KANK4: variants seen among roughly 807,000 people sequenced by gnomAD.
KANK4 encodes KN motif and ankyrin repeat domain-containing protein 4.
KANK4 carries 50 observed loss-of-function variants against 80.8 expected under a neutral mutation model. The observed-to-expected ratio is 0.62, with a 90% CI of 0.49 to 0.78. The LOEUF is 0.78. Among genes scored for constraint, KANK4 ranks in the 30% least tolerant of loss-of-function variants. The probability of loss-of-function intolerance (pLI) is 0.00; values close to 1 mark genes in which losing one functional copy is unlikely to be tolerated. For synonymous variants in KANK4, 465 were observed against 506.9 expected, an observed-to-expected ratio of 0.92 and a Z score of 1.11; for missense variants, 1,196 against 1,240.1, an observed-to-expected ratio of 0.96 and a Z score of 0.53.
intron 1 of KANK4, among the ~76,000 whole-genome samples, chr1:62,300,538 T>C (rs1220237450): frequency 3.3e-5 from 5 of 152,088 alleles, no homozygotes; most frequent in Admixed American, 1.3e-4. Flanking sequence ...GAGTAAAAGT[T>C]AAGCAGGCAG....
intron 1 of KANK4, among the ~76,000 whole-genome samples, chr1:62,283,848 A>T (rs184005222): frequency 2.6e-5 from 4 of 152,296 alleles, no homozygotes; most frequent in African/African-American, 9.6e-5. Flanking sequence ...AGATCATATG[A>T]TTTTAAAGAA....
At position 62,289,841 on chromosome 1, in the gene KANK4, T is replaced by C. The variant is rs146866255; in HGVS notation, c.-70-8207A>G. On this transcript the variant is annotated intron_variant, in intron 1 of 9. Transcript: ENST00000371153. ...TAACATAATTGAAGGGCAAGTTCTA[T>C]AGTGGACTTGTAGCCTGGGCTCCAA... 2.5e-3 allele frequency among the ~76,000 whole-genome samples: 379 copies of C among 152,306 alleles called. 2 individuals carry two copies. Among genetic ancestry groups the C allele is most frequent in the Non-Finnish European group, 3.9e-3 (267 of 68,014 alleles).
intron 1 of KANK4, among the ~76,000 whole-genome samples, chr1:62,303,668 G>A (rs1254461236): frequency 6.6e-6 from 1 of 152,000 alleles, no homozygotes; most frequent in Non-Finnish European, 1.5e-5. Flanking sequence ...TGTGCTGTAA[G>A]TGTAAAGTAC....
chr1:62,304,530 G>A (rs1644435969), intron 1 of KANK4, among the ~76,000 whole-genome samples: 1 of 151,844 alleles, frequency 6.6e-6, no homozygotes, highest in Non-Finnish European at 1.5e-5. Flanking sequence ...TCTGCACTGG[G>A]CCTTAACTTC....
At position 62,263,273 on chromosome 1, in the gene KANK4, G is replaced by T. The variant is rs766839940; in HGVS notation, c.2358C>A (p.Arg786=). 6.2e-7 allele frequency: 1 copy of T among 1,613,338 alleles called. No homozygotes were observed. The highest frequency in any genetic ancestry group is 8.5e-7 in the Non-Finnish European group (1 of 1,179,822). ...GGCTAGACGACTTCCGGCTGGAGAC[G>T]CGGAACCACTCTTGACTGATGGTGT... is the stretch of plus-strand genomic sequence containing the variant. ...SLNTISQEWF[R]VSSRKSSSPA... is the part of the protein sequence containing the mutation. Residue 786 remains arginine, a synonymous_variant, in exon 7 of 10, where the codon CGC becomes CGA. Transcript: ENST00000371153.
rs1267906633 is a variant in KANK4, at chr1:62,236,426, C to A, written c.*1851G>T. Among the ~76,000 whole-genome samples the A allele has an allele frequency of 2.0e-5, 3 of 152,204 alleles. No homozygotes were observed. The East Asian group carries it at 5.8e-4, about 29-fold the overall frequency. ...ATGTATTTTGAGGTCAAAATAAACTCATTTAAAGCATTTTTTTTCTCATTA... is the reference window on the plus strand; with the variant it reads ...ATGTATTTTGAGGTCAAAATAAACTAATTTAAAGCATTTTTTTTCTCATTA... On this transcript the variant is annotated 3_prime_UTR_variant, in exon 10 of 10. Transcript: ENST00000371153.
At chr1:62,238,953 G>C (rs192500012) in intron 9 of KANK4, among the ~76,000 whole-genome samples, 29 of 152,118 alleles carry the variant, frequency 1.9e-4, no homozygotes, top group Non-Finnish European at 3.4e-4. Context: ...CTTTAAATTG[G>C]AAAACAGGAA....
At position 62,315,884 on chromosome 1, in the gene KANK4, G is replaced by A. The variant is rs148481903; in HGVS notation, c.-71+3222C>T. Among the ~76,000 whole-genome samples, 123 of 152,300 alleles carry A rather than the reference G, an allele frequency of 8.1e-4. No individual in the cohort carries two copies. In the Middle Eastern group the frequency reaches 0.02, roughly 25 times the overall value. ...CCTTCCCCCTGCAGAGCAGAGCCAC[G>A]AGTGCACAAGCACATACTCCATGGC... On this transcript the variant is annotated intron_variant, in intron 1 of 9. Coordinates refer to ENST00000371153, the MANE Select transcript of KANK4 (RefSeq NM_181712.5).
intron 1 of KANK4, among the ~76,000 whole-genome samples, chr1:62,296,245 G>A (rs962676156): frequency 1.3e-5 from 2 of 152,138 alleles, no homozygotes; most frequent in African/African-American, 4.8e-5. Flanking sequence ...CAGAGTGACT[G>A]CCCCAGCAGC....
intron 9 of KANK4, among the ~76,000 whole-genome samples, chr1:62,240,370 CT>C (rs1394331437): frequency 6.6e-6 from 1 of 152,230 alleles, no homozygotes; most frequent in Non-Finnish European, 1.5e-5. Flanking sequence ...AGGACTCACT[CT>C]TAGAAGTGGG....
At chr1:62,278,876 G>A (rs953565831) in intron 2 of KANK4, among the ~76,000 whole-genome samples, 1 of 152,088 alleles carries the variant, frequency 6.6e-6, no homozygotes, top group Non-Finnish European at 1.5e-5. Flanking sequence ...CAGATTATAA[G>A]GACAGGCCAA....
chr1:62,267,204 GA>G (rs1220839061), intron 5 of KANK4, among the ~76,000 whole-genome samples: 4 of 151,004 alleles, frequency 2.6e-5, no homozygotes, highest in Admixed American at 6.6e-5. Flanking sequence ...TGGGTGACTG[GA>G]AAAAAAAATC....
intron 1 of KANK4, among the ~76,000 whole-genome samples, chr1:62,296,066 C>G (rs1383923139): frequency 1.3e-5 from 2 of 152,220 alleles, no homozygotes; most frequent in African/African-American, 4.8e-5. Context: ...CAGTTCAGGG[C>G]TGTGTTCAAA....
intron 2 of KANK4, among the ~76,000 whole-genome samples, chr1:62,278,068 G>A (rs550607064): frequency 3.9e-5 from 6 of 152,278 alleles, no homozygotes; most frequent in South Asian, 4.1e-4. Context: ...TTGTATGCAC[G>A]CGAACAAGCT....
chr1:62,258,580 G>T (rs1225897779), intron 7 of KANK4, among the ~76,000 whole-genome samples: 1 of 152,192 alleles, frequency 6.6e-6, no homozygotes, highest in Non-Finnish European at 1.5e-5. Context: ...AGACTTGGAA[G>T]TTTACTGGAA....
At chr1:62,291,661 G>A (rs1314881627) in intron 1 of KANK4, among the ~76,000 whole-genome samples, 4 of 152,076 alleles carry the variant, frequency 2.6e-5, no homozygotes, top group Non-Finnish European at 4.4e-5. Flanking sequence ...AGGCTGGAGT[G>A]CAATGACGTG....
chr1:62,266,302 C>T (rs1672017229), intron 6 of KANK4, among the ~76,000 whole-genome samples: 1 of 152,242 alleles, frequency 6.6e-6, no homozygotes, highest in Admixed American at 6.5e-5. Context: ...TGCACACTCA[C>T]ACCACTGCCT....
rs1261204251 is a variant in KANK4 at position 62,302,507 on chromosome 1, C to T, written c.-71+16599G>A. Among the ~76,000 whole-genome samples, 5 of 151,988 alleles carry T rather than the reference C, an allele frequency of 3.3e-5. No individual in the cohort carries two copies. The East Asian group carries it at 7.7e-4, about 23-fold the overall frequency. ...TGCTTACAGACTGAATGAGCCCCCT[C>T]TAAAATTCGTATGTTGAAATCCTAA... is the stretch of plus-strand genomic sequence containing the variant. On this transcript the variant is annotated intron_variant, in intron 1 of 9. Transcript: ENST00000371153.
At chr1:62,256,598 G>T (rs1463699401) in intron 7 of KANK4, among the ~76,000 whole-genome samples, 2 of 152,146 alleles carry the variant, frequency 1.3e-5, no homozygotes, top group Non-Finnish European at 1.5e-5. Context: ...GGTCAGGTTG[G>T]TCTCGAACTC....
Sources: gnomAD v4.1 joint callset for allele counts (sites outside exome capture counted in the v4.1 genomes callset) on GRCh38, gnomAD v4.1.1 for gene constraint, MANE v1.5 for transcripts, NCBI Gene and HGNC (gene_info 2026-07-23, HGNC 2026-07-21) for gene names.